TSHZ2: variants seen among roughly 807,000 people sequenced by gnomAD.
TSHZ2 encodes teashirt zinc finger homeobox 2.
Under a neutral mutation model 74.4 loss-of-function variants are expected in TSHZ2, and 21 were observed. The ratio of observed to expected loss-of-function variants is 0.28; its 90% confidence interval spans 0.20 to 0.41. The LOEUF (loss-of-function observed/expected upper bound fraction) is 0.41, where lower values mean the gene tolerates loss of function less well. Ranked by LOEUF, TSHZ2 falls within the 10% of genes least tolerant of loss-of-function variation. The pLI is 1.00. For synonymous variants in TSHZ2, 540 were observed against 515.3 expected (o/e 1.05, Z -0.65); for missense variants, 1,244 against 1,293.5 (o/e 0.96, Z 0.59).
At chr20:53,011,443 T>C (rs1444602791) in intron 1 of TSHZ2, among the ~76,000 whole-genome samples, 1 of 152,240 alleles carries the variant, frequency 6.6e-6, no homozygotes, top group African/African-American at 2.4e-5. Flanking sequence ...ACAGTGTTCA[T>C]TCATCTAATC....
At chr20:53,462,458 C>T (rs775321977) in intron 2 of TSHZ2, among the ~76,000 whole-genome samples, 25 of 152,170 alleles carry the variant, frequency 1.6e-4, no homozygotes, top group Non-Finnish European at 2.6e-4. Context: ...CTGGCCTCCA[C>T]GCTGTTGGTC....
At position 53,493,228 on chromosome 20, in the gene TSHZ2, G is replaced by C. The variant is rs1220061104; in HGVS notation, c.*6093G>C. Reference sequence around the variant, plus strand: ...TCTTTTGTATAGAAAAAATATGCTTGTAATTTTTTCCTGGTCATTCTCTTT... The same window carrying C: ...TCTTTTGTATAGAAAAAATATGCTTCTAATTTTTTCCTGGTCATTCTCTTT... On this transcript the variant is annotated 3_prime_UTR_variant, in exon 3 of 3. Coordinates refer to ENST00000371497, the MANE Select transcript of TSHZ2 (RefSeq NM_173485.6). The C allele has an allele frequency of 6.6e-6, 1 of 152,204 alleles. No homozygotes were observed. The highest frequency in any genetic ancestry group is 1.5e-5 in the Non-Finnish European group (1 of 68,032). The allele number at this position is 152,204 out of a possible 1,614,324, so 9.4% of individuals were successfully genotyped here.
intron 2 of TSHZ2, among the ~76,000 whole-genome samples, chr20:53,388,522 C>T (rs1238015342): frequency 6.6e-6 from 1 of 152,126 alleles, no homozygotes; most frequent in Non-Finnish European, 1.5e-5. Flanking sequence ...CAGTCACAGT[C>T]GCAGGAGAAA....
intron 1 of TSHZ2, among the ~76,000 whole-genome samples, chr20:53,031,808 G>T (rs181108501): frequency 6.6e-6 from 1 of 152,160 alleles, no homozygotes; most frequent in Admixed American, 6.5e-5. Flanking sequence ...TTACTCAAGA[G>T]AAAATTTTTA....
chr20:53,283,864 G>C (rs1179252345), intron 2 of TSHZ2, among the ~76,000 whole-genome samples: 1 of 152,178 alleles, frequency 6.6e-6, no homozygotes, highest in Non-Finnish European at 1.5e-5. Flanking sequence ...ATCCAGGGAA[G>C]ATTTTCCTGC....
At chr20:53,323,929 G>C (rs1875644141) in intron 2 of TSHZ2, among the ~76,000 whole-genome samples, 1 of 152,076 alleles carries the variant, frequency 6.6e-6, no homozygotes, top group Admixed American at 6.6e-5. Flanking sequence ...AAGACCAACT[G>C]ACTTGGAGTA....
At chr20:53,070,042 C>G (rs1185908527) in intron 1 of TSHZ2, among the ~76,000 whole-genome samples, 2 of 152,070 alleles carry the variant, frequency 1.3e-5, no homozygotes, top group African/African-American at 2.4e-5. Context: ...TCAGGTAAAC[C>G]AAAATTATTT....
chr20:53,465,956 TCA>T (rs1985543781), intron 2 of TSHZ2, among the ~76,000 whole-genome samples: 1 of 125,144 alleles, frequency 8.0e-6, no homozygotes, highest in East Asian at 2.4e-4. Context: ...AGACATATAA[TCA>T]CAGTGGTTAA....
intron 1 of TSHZ2, among the ~76,000 whole-genome samples, chr20:53,242,493 A>G (rs1321316498): frequency 1.3e-5 from 2 of 152,172 alleles, no homozygotes; most frequent in African/African-American, 4.8e-5. Context: ...TTCTTGGTCC[A>G]CCTCATGTCA....
Position 53,347,194 on chromosome 20 carries a change from G to A in TSHZ2, c.*8+90623G>A, listed in dbSNP as rs868363795. ...GTCATTTGAGGCTGGATCATTCTTC[G>A]TTGGGGTGGGAGGGGTCTCCTGTGC... On this transcript the variant is annotated intron_variant, in intron 2 of 2. Transcript: ENST00000371497. Among the ~76,000 whole-genome samples, 9 of 152,258 alleles carry A rather than the reference G, an allele frequency of 5.9e-5. 1 individual carries two copies. In the Middle Eastern group the frequency reaches 0.024, roughly 403 times the overall value.
intron 2 of TSHZ2, among the ~76,000 whole-genome samples, chr20:53,352,901 G>A (rs200629): frequency 0.49 from 74,201 of 151,820 alleles, 18,987 homozygotes; most frequent in African/African-American, 0.62. Context: ...CACATGGGCC[G>A]TAGTCTCCAC....
At chr20:53,337,166 C>T (rs1979985190) in intron 2 of TSHZ2, among the ~76,000 whole-genome samples, 1 of 152,200 alleles carries the variant, frequency 6.6e-6, no homozygotes, top group Non-Finnish European at 1.5e-5. Context: ...ATGTCTTCCT[C>T]AGGAAAAGCT....
chr20:52,991,405 TG>T (rs1376793724), intron 1 of TSHZ2, among the ~76,000 whole-genome samples: 1 of 146,430 alleles, frequency 6.8e-6, no homozygotes, highest in Non-Finnish European at 1.5e-5. Flanking sequence ...GTGTGTGTTG[TG>T]GGGGGAGAGA....
rs1461077278 is a variant in TSHZ2 at position 53,191,460 on chromosome 20, T to G, written c.41-62039T>G. 4.1e-4 allele frequency among the ~76,000 whole-genome samples: 63 copies of G among 152,164 alleles called. 1 individual carries two copies. The highest frequency in any genetic ancestry group is 4.1e-3 in the Admixed American group (63 of 15,278). ...GGTGGATCACTTGAGGCCAGGAGTT[T>G]GAAACCAGCCTGGGCAACATGGTGA... On this transcript the variant is annotated intron_variant, in intron 1 of 2. Coordinates refer to ENST00000371497, the MANE Select transcript of TSHZ2 (RefSeq NM_173485.6).
chr20:53,484,920 C>T (rs1568938301), intron 2 of TSHZ2, among the ~76,000 whole-genome samples: 1 of 152,124 alleles, frequency 6.6e-6, no homozygotes, highest in Non-Finnish European at 1.5e-5. Flanking sequence ...AATTTGGAAG[C>T]TTTCCTTTTC....
chr20:52,999,473 G>A (rs1327369053), intron 1 of TSHZ2, among the ~76,000 whole-genome samples: 1 of 152,196 alleles, frequency 6.6e-6, no homozygotes, highest in Non-Finnish European at 1.5e-5. Flanking sequence ...TTGGCTCAAG[G>A]GCCAGTGTGC....
At chr20:53,135,278 C>T (rs776507838) in intron 1 of TSHZ2, among the ~76,000 whole-genome samples, 8 of 152,178 alleles carry the variant, frequency 5.3e-5, no homozygotes, top group African/African-American at 1.7e-4. Flanking sequence ...AGAAAACTCC[C>T]TCCTGCTTCC....
chr20:53,421,806 C>T (rs1008353109), intron 2 of TSHZ2: 5 of 151,916 alleles, frequency 3.3e-5, no homozygotes, highest in African/African-American at 1.2e-4. Flanking sequence ...TCTCAGCCTC[C>T]CGAGTAGCTG....
At chr20:53,007,607 T>TTGTG (rs146865975) in intron 1 of TSHZ2, among the ~76,000 whole-genome samples, 2 of 149,896 alleles carry the variant, frequency 1.3e-5, no homozygotes, top group South Asian at 2.1e-4. Flanking sequence ...AAATGTGTGT[T>TTGTG]TGTGTGTGTG....
Sources: gnomAD v4.1 joint callset for allele counts (sites outside exome capture counted in the v4.1 genomes callset) on GRCh38, gnomAD v4.1.1 for gene constraint, MANE v1.5 for transcripts, NCBI Gene and HGNC (gene_info 2026-07-23, HGNC 2026-07-21) for gene names.